The following FAM117A variants were observed in gnomAD, a reference collection of about 807,000 sequenced individuals.
The protein encoded by FAM117A is protein FAM117A.
FAM117A carries 21 observed loss-of-function variants against 44.1 expected under a neutral mutation model. The observed-to-expected ratio is 0.48, with a 90% CI of 0.34 to 0.69. The LOEUF (loss-of-function observed/expected upper bound fraction) is 0.69. Ranked by LOEUF, FAM117A falls within the 30% of genes least tolerant of loss-of-function variation. The pLI is 0.01. For synonymous variants in FAM117A, 220 were observed against 238.3 expected (o/e 0.92, Z 0.71); for missense variants, 498 against 589.9 (o/e 0.84, Z 1.61).
chr17:49,787,283 A>G (rs1388624990), intron 1 of FAM117A, among the ~76,000 whole-genome samples: 1 of 152,218 alleles, frequency 6.6e-6, no homozygotes, highest in Admixed American at 6.5e-5. Flanking sequence ...ACATGAAATT[A>G]AATGCTTAAG....
upstream of FAM117A, chr17:49,788,612 C>T: frequency 4.1e-6 from 2 of 489,818 alleles, no homozygotes; most frequent in South Asian, 2.9e-5. Flanking sequence ...CCTCTCTGGC[C>T]CGTAACGTCA....
chr17:49,753,681 G>A (rs376466934), intron 1 of FAM117A, among the ~76,000 whole-genome samples: 25 of 152,182 alleles, frequency 1.6e-4, no homozygotes, highest in African/African-American at 5.8e-4. Context: ...CTACTTGGGA[G>A]GCTGAGGCAG....
At chr17:49,757,815 AG>A (rs917146205) in intron 1 of FAM117A, among the ~76,000 whole-genome samples, 2 of 152,190 alleles carry the variant, frequency 1.3e-5, no homozygotes, top group African/African-American at 4.8e-5. Flanking sequence ...ACCTAGACGA[AG>A]GGGGGAAACT....
chr17:49,755,850 T>A (rs1480668975), intron 1 of FAM117A, among the ~76,000 whole-genome samples: 3 of 152,216 alleles, frequency 2.0e-5, no homozygotes, highest in African/African-American at 7.2e-5. Flanking sequence ...CTCCCCACTC[T>A]GCTGCCTTCC....
At chr17:49,717,799 C>T in intron 5 of FAM117A, 85 bp from the exon 6 acceptor site, 3 of 1,121,564 alleles carry the variant, frequency 2.7e-6, no homozygotes, top group South Asian at 3.2e-5. Context: ...ATTTCCCTTG[C>T]TGCTGTCATT....
At chr17:49,764,383 G>C (rs1464923397), upstream of FAM117A, among the ~76,000 whole-genome samples, 2 of 152,186 alleles carry the variant, frequency 1.3e-5, no homozygotes, top group African/African-American at 4.8e-5. Context: ...GAAGAGGGCT[G>C]GTTCTCCAGC....
intron 2 of FAM117A, 151 bp downstream of exon 2, chr17:49,732,400 G>T: frequency 1.4e-6 from 1 of 734,548 alleles, no homozygotes; most frequent in Non-Finnish European, 2.2e-6. Context: ...AGGAAACTCT[G>T]TCTTAAGAAG....
intron 1 of FAM117A, among the ~76,000 whole-genome samples, chr17:49,772,749 C>CA (rs1157591935): frequency 2.0e-3 from 278 of 141,634 alleles, no homozygotes; most frequent in African/African-American, 5.6e-3. Context: ...GAGACTCTGT[C>CA]AAAAAAAAAA....
At chr17:49,753,307 T>C (rs2073684666) in intron 1 of FAM117A, among the ~76,000 whole-genome samples, 1 of 152,264 alleles carries the variant, frequency 6.6e-6, no homozygotes, top group South Asian at 2.1e-4. Context: ...GGACTTTTTC[T>C]GCATATGTGG....
At chr17:49,724,833 A>G (rs546510195) in intron 2 of FAM117A, among the ~76,000 whole-genome samples, 2 of 151,566 alleles carry the variant, frequency 1.3e-5, no homozygotes, top group African/African-American at 2.4e-5. Flanking sequence ...AAAAAAAAAA[A>G]AAAAAAGAAA....
intron 1 of FAM117A, among the ~76,000 whole-genome samples, chr17:49,744,471 T>C (rs2073646759): frequency 6.6e-6 from 1 of 151,344 alleles, no homozygotes; most frequent in Admixed American, 6.6e-5. Flanking sequence ...AGGTGAGAAC[T>C]ACTTTGCCTA....
intron 1 of FAM117A, 38 bp from the exon 2 acceptor site, chr17:49,732,758 A>C: frequency 1.3e-6 from 2 of 1,597,432 alleles, no homozygotes; most frequent in South Asian, 2.2e-5. Context: ...TGCCATCAGC[A>C]TGGAGGAAGG....
chr17:49,735,713 C>T (rs2073607772), intron 1 of FAM117A, among the ~76,000 whole-genome samples: 1 of 152,138 alleles, frequency 6.6e-6, no homozygotes, highest in Non-Finnish European at 1.5e-5. Flanking sequence ...GATCTTCCTG[C>T]CTTGGCCTCC....
rs996369476 is a variant in FAM117A at position 49,722,522 on chromosome 17, C to T, written c.439G>A (p.Gly147Ser). 2 of 1,613,788 alleles carry T rather than the reference C, an allele frequency of 1.2e-6. No homozygotes were observed. Among genetic ancestry groups the T allele is most frequent in the Non-Finnish European group, 1.7e-6 (2 of 1,179,922 alleles). The change falls in exon 3 of 8, where the codon GGC (glycine) becomes AGC (serine). Residue 147 changes from glycine to serine, a missense_variant. By Grantham distance (56) the Gly-to-Ser change is moderately conservative (BLOSUM62 0). Coordinates refer to ENST00000240364, the MANE Select transcript of FAM117A (RefSeq NM_030802.4). ...ACCTCTTTTCGGTGGTCTGTGCTGC[C>T]CCAGGATGCTGAGCGCTTGTGTGCA... is the stretch of plus-strand genomic sequence containing the variant. ...SCAHKRSASW[G>S]STDHRKEISK...
intron 2 of FAM117A, among the ~76,000 whole-genome samples, chr17:49,731,889 G>A (rs759289441): frequency 1.3e-5 from 2 of 152,002 alleles, no homozygotes; most frequent in Non-Finnish European, 2.9e-5. Flanking sequence ...AGGTTCAAGC[G>A]ATTCTCCCGC....
At chr17:49,731,774 A>G (rs772924630) in intron 2 of FAM117A, among the ~76,000 whole-genome samples, 1 of 152,040 alleles carries the variant, frequency 6.6e-6, no homozygotes, top group Non-Finnish European at 1.5e-5. Flanking sequence ...TAGCAAGGTA[A>G]ATCTCATTTT....
rs1293014074 is a variant in FAM117A at position 49,715,678 on chromosome 17, G to A, written c.1061+487C>T. Among the ~76,000 whole-genome samples the A allele has an allele frequency of 2.0e-5, 3 of 152,178 alleles. No individual in the cohort carries two copies. In the South Asian group the frequency reaches 6.2e-4, roughly 31 times the overall value. On this transcript the variant is annotated intron_variant, in intron 7 of 7. Transcript: ENST00000240364. ...TGACACTTGAACCACTGCAGCCACA[G>A]GGTGAAGACTTGACTCCGAAGCTCA...
intron 2 of FAM117A, among the ~76,000 whole-genome samples, chr17:49,724,822 G>GAAAAAAA (rs906558600): frequency 2.3e-5 from 1 of 43,516 alleles, no homozygotes; most frequent in Non-Finnish European, 5.5e-5. Flanking sequence ...ACAGTCTCAA[G>GAAAAAAA]AAAAAAAAAA....
intron 1 of FAM117A, 39 bp downstream of exon 1, chr17:49,763,853 A>G (rs1598035233): frequency 2.1e-5 from 17 of 810,114 alleles, no homozygotes; most frequent in East Asian, 8.8e-5. Context: ...CCCTCCCCCA[A>G]TGGCTCCTTC....
Sources: gnomAD v4.1 joint callset for allele counts (sites outside exome capture counted in the v4.1 genomes callset) on GRCh38, gnomAD v4.1.1 for gene constraint, MANE v1.5 for transcripts, NCBI Gene and HGNC (gene_info 2026-07-23, HGNC 2026-07-21) for gene names.